The following FAAH2 variants were observed in gnomAD, a reference collection of about 807,000 sequenced individuals.
The protein encoded by FAAH2 is fatty-acid amide hydrolase 2.
A neutral mutation model predicts 36.9 loss-of-function variants in FAAH2; 60 were observed. The observed-to-expected ratio is 1.63, with a 90% CI of 1.32 to 2.02. The LOEUF (loss-of-function observed/expected upper bound fraction) is 2.02. Ranked by LOEUF, FAAH2 falls within the 30% of genes most tolerant of loss-of-function variation. FAAH2 has a pLI of 0.00. For synonymous variants in FAAH2, 214 were observed against 143.8 expected, an observed-to-expected ratio of 1.49 and a Z score of -3.49; for missense variants, 689 against 397.5, an observed-to-expected ratio of 1.73 and a Z score of -6.23.
At chrX:57,395,255 A>G (rs1047401048) in intron 7 of FAAH2, 6 of 634,433 alleles carry the variant, frequency 9.5e-6, no homozygotes, top group African/African-American at 4.4e-5. Flanking sequence ...TTCACATTAT[A>G]TAAAGATTGG....
At chrX:57,129,805 C>T in the FAAH2 span, among the ~76,000 whole-genome samples, 4 of 111,404 alleles carry the variant, frequency 3.6e-5, no homozygotes, top group Admixed American at 9.5e-5. Flanking sequence ...CACAAGACAC[C>T]GAGGATCAAA....
At chrX:57,189,544 G>T in the FAAH2 span, among the ~76,000 whole-genome samples, 1 of 109,846 alleles carries the variant, frequency 9.1e-6, no homozygotes, top group African/African-American at 3.3e-5. Context: ...GGTCTTTCAA[G>T]CAGATGACCT....
the FAAH2 span, among the ~76,000 whole-genome samples, chrX:57,271,896 G>T: frequency 9.0e-6 from 1 of 110,835 alleles, no homozygotes; most frequent in African/African-American, 3.3e-5. Context: ...ACTGGACAGA[G>T]AATGCATTTG....
chrX:57,331,853 A>G (rs1449612358), intron 4 of FAAH2, 46 bp downstream of exon 4: 1 of 1,090,853 alleles, frequency 9.2e-7, no homozygotes, highest in Admixed American at 2.2e-5. Flanking sequence ...TGCTAACAAT[A>G]ATAATTATGA....
rs575809837 is a variant in FAAH2, at chrX:57,288,713, G to A, written c.192+1696G>A. Among the ~76,000 whole-genome samples, 7 of 110,791 alleles carry A rather than the reference G, an allele frequency of 6.3e-5. No homozygotes were observed. The South Asian group carries it at 1.9e-3, about 31-fold the overall frequency. On this transcript the variant is annotated intron_variant, in intron 1 of 10. Coordinates refer to ENST00000374900, the MANE Select transcript of FAAH2 (RefSeq NM_174912.4). ...TTTAAGAAAAATGGATTTGATAATA[G>A]AATCTACCTTTTAGAGTTATTGTGA...
At chrX:57,318,714 A>T (rs1396884357) in intron 3 of FAAH2, among the ~76,000 whole-genome samples, 3 of 111,857 alleles carry the variant, frequency 2.7e-5, no homozygotes, top group Non-Finnish European at 5.6e-5. Flanking sequence ...CAGAGACACA[A>T]CAAAAAAAGA....
At chrX:57,123,075 C>T in the FAAH2 span, among the ~76,000 whole-genome samples, 8 of 110,774 alleles carry the variant, frequency 7.2e-5, no homozygotes, top group East Asian at 1.4e-3. Context: ...CATGTGTATA[C>T]GTGTGCCATG....
chrX:57,450,760 C>T (rs773424225), intron 10 of FAAH2, among the ~76,000 whole-genome samples: 85 of 110,765 alleles, frequency 7.7e-4, no homozygotes, highest in African/African-American at 2.7e-3. Context: ...GATGAGGATG[C>T]TAGATTGACT....
At position 57,488,881 on chromosome X, in the gene FAAH2, C is replaced by T. The variant is rs1602867692; in HGVS notation, c.1548C>T (p.Ala516=). The change falls in exon 11 of 11, where the codon GCC becomes GCT. Residue 516 remains alanine, a synonymous_variant. Transcript: ENST00000374900. ...PFNDHLTLAV[A]QYLEKTFGGW... Reference sequence around the variant, plus strand: ...ATGATCATCTGACCCTGGCTGTGGCCCAGTACTTGGAGAAAACTTTTGGGG... The same window carrying T: ...ATGATCATCTGACCCTGGCTGTGGCTCAGTACTTGGAGAAAACTTTTGGGG... 2 of 1,210,488 alleles carry T rather than the reference C, an allele frequency of 1.7e-6. No homozygotes were observed. The highest frequency in any genetic ancestry group is 2.2e-6 in the Non-Finnish European group (2 of 895,194).
chrX:57,345,190 T>A (rs1294116124), intron 5 of FAAH2, among the ~76,000 whole-genome samples: 1 of 105,297 alleles, frequency 9.5e-6, no homozygotes, highest in Non-Finnish European at 2.0e-5. Flanking sequence ...TTCCCTTCCC[T>A]CCTCTCCCCT....
intron 3 of FAAH2, among the ~76,000 whole-genome samples, chrX:57,324,726 T>G (rs1217082223): frequency 2.7e-5 from 3 of 112,360 alleles, no homozygotes; most frequent in East Asian, 2.8e-4. Flanking sequence ...CTTATCAGCT[T>G]AAGGAGATTT....
chrX:57,190,295 A>G, the FAAH2 span, among the ~76,000 whole-genome samples: 2 of 110,219 alleles, frequency 1.8e-5, no homozygotes, highest in African/African-American at 6.6e-5. Context: ...TGTGCTGGCA[A>G]TGATAATTTC....
chrX:57,308,077 C>T (rs893157427), intron 2 of FAAH2, among the ~76,000 whole-genome samples: 4 of 111,381 alleles, frequency 3.6e-5, no homozygotes, highest in Admixed American at 9.6e-5. Context: ...CATGTCTTTG[C>T]GATTGTGATA....
chrX:57,472,971 T>C lies in FAAH2; in HGVS notation c.1424-15786T>C, dbSNP rs182212445. ...GGTCTGTCAAGTTTTTTTCTAATGCTTTCAAAGAACTAAATTTTCTTTCAT... is the reference window on the plus strand; with the variant it reads ...GGTCTGTCAAGTTTTTTTCTAATGCCTTCAAAGAACTAAATTTTCTTTCAT... On this transcript the variant is annotated intron_variant, in intron 10 of 10. Transcript: ENST00000374900. Among the ~76,000 whole-genome samples, 105 of 111,363 alleles carry C rather than the reference T, an allele frequency of 9.4e-4. 1 individual carries two copies. The East Asian group carries it at 0.022, about 24-fold the overall frequency.
intron 7 of FAAH2, among the ~76,000 whole-genome samples, chrX:57,425,794 GA>G (rs1472978014): frequency 9.0e-6 from 1 of 110,860 alleles, no homozygotes; most frequent in Non-Finnish European, 1.9e-5. Context: ...AAGAATATAC[GA>G]AAAAACTAGA....
intron 5 of FAAH2, among the ~76,000 whole-genome samples, chrX:57,347,978 T>C (rs1422922717): frequency 9.0e-6 from 1 of 111,040 alleles, no homozygotes; most frequent in African/African-American, 3.3e-5. Flanking sequence ...CTGTGGTTTG[T>C]TGGAGAGAAA....
At chrX:57,282,780 G>A (rs973531925), upstream of FAAH2, among the ~76,000 whole-genome samples, 3 of 111,741 alleles carry the variant, frequency 2.7e-5, no homozygotes, top group African/African-American at 9.8e-5. Flanking sequence ...CATGTGGCTC[G>A]CCTGTATTTC....
chrX:57,215,520 G>A, the FAAH2 span, among the ~76,000 whole-genome samples: 4 of 111,716 alleles, frequency 3.6e-5, no homozygotes, highest in Non-Finnish European at 5.6e-5. Context: ...GCACACATAT[G>A]TTTACTGCAG....
chrX:57,429,123 CAGG>C (rs2056231942), intron 7 of FAAH2, among the ~76,000 whole-genome samples: 1 of 109,817 alleles, frequency 9.1e-6, no homozygotes, highest in African/African-American at 3.3e-5. Context: ...ATCACGAGGT[CAGG>C]AGATCGAGAC....
Sources: allele counts gnomAD v4.1 joint callset (sites outside exome capture counted in the v4.1 genomes callset), GRCh38; gene constraint gnomAD v4.1.1; transcripts MANE v1.5; gene names NCBI Gene and HGNC (gene_info 2026-07-23, HGNC 2026-07-21).